Variants in YAF2 observed in about 807,000 individuals in gnomAD.
YAF2 encodes YY1 associated factor 2.
YAF2 carries 7 observed loss-of-function variants against 20.1 expected under a neutral mutation model. The observed-to-expected ratio is 0.35, with a 90% CI of 0.20 to 0.65. YAF2 has a LOEUF of 0.65. Ranked by LOEUF, YAF2 falls within the 30% of genes least tolerant of loss-of-function variation. The probability of loss-of-function intolerance (pLI) is 0.69; values close to 1 mark genes in which losing one functional copy is unlikely to be tolerated. For missense variants in YAF2, 151 were observed against 219.2 expected, an observed-to-expected ratio of 0.69 and a Z score of 1.96; for synonymous variants, 74 against 76.0, an observed-to-expected ratio of 0.97 and a Z score of 0.14.
In YAF2 at chr12:42,238,242, G is replaced by A; in HGVS notation, c.-62C>T. On this transcript the variant is annotated 5_prime_UTR_variant, in exon 1 of 4. Transcript: ENST00000534854. ...CGACCGCTCTGTTTGTCAATAAGGAGGATAATAAGCCGGGCGGAAGCGGGC... is the reference window on the plus strand; with the variant it reads ...CGACCGCTCTGTTTGTCAATAAGGAAGATAATAAGCCGGGCGGAAGCGGGC... 8.5e-7 allele frequency: 1 copy of A among 1,175,530 alleles called. No individual in the cohort carries two copies. The highest frequency in any genetic ancestry group is 1.1e-6 in the Non-Finnish European group (1 of 907,444). 72.8% of individuals were successfully genotyped at this position (1,175,530 alleles called of 1,614,324 possible). A position where few individuals can be genotyped will look rare whatever the true frequency, so the allele number is the denominator to read the frequency against.
intron 2 of YAF2, among the ~76,000 whole-genome samples, chr12:42,178,656 G>C (rs560122801): frequency 2.2e-4 from 34 of 151,728 alleles, no homozygotes; most frequent in African/African-American, 8.2e-4. Flanking sequence ...TGTCCAATGT[G>C]TCAGCACCAC....
At chr12:42,220,359 C>A (rs1162750946) in intron 2 of YAF2, among the ~76,000 whole-genome samples, 1 of 152,204 alleles carries the variant, frequency 6.6e-6, no homozygotes, top group Non-Finnish European at 1.5e-5. Flanking sequence ...CCATCCCCCA[C>A]ACCCAGATTC....
chr12:42,175,481 A>T (rs1462724708), intron 2 of YAF2, among the ~76,000 whole-genome samples: 1 of 151,912 alleles, frequency 6.6e-6, no homozygotes, highest in African/African-American at 2.4e-5. Context: ...CATATGTCAA[A>T]ACTTAACATA....
chr12:42,218,020 C>T lies in YAF2; in HGVS notation c.152+19579G>A, dbSNP rs57549495. Among the ~76,000 whole-genome samples the T allele has an allele frequency of 8.6e-3, 1,312 of 152,222 alleles. 23 individuals are homozygous for T. The highest frequency in any genetic ancestry group is 0.029 in the African/African-American group (1,216 of 41,530). ...AATCCCAACCTTGAAAACAGATGTA[C>T]TCTTTAACTATGGCAAACAGTAAAA... is the stretch of plus-strand genomic sequence containing the variant. On this transcript the variant is annotated intron_variant, in intron 2 of 3. Transcript: ENST00000534854.
chr12:42,229,981 C>T (rs894970751), intron 2 of YAF2, among the ~76,000 whole-genome samples: 2 of 152,102 alleles, frequency 1.3e-5, no homozygotes, highest in Non-Finnish European at 2.9e-5. Context: ...TTGAAAAGTA[C>T]CATATGGTGG....
At chr12:42,232,430 A>G (rs1592067872) in intron 2 of YAF2, 14 of 985,428 alleles carry the variant, frequency 1.4e-5, no homozygotes, top group Non-Finnish European at 1.7e-5. Flanking sequence ...TATCCAGACT[A>G]CACAAACACT....
chr12:42,233,475 T>C, intron 2 of YAF2: 1 of 983,352 alleles, frequency 1.0e-6, no homozygotes, highest in Non-Finnish European at 1.2e-6. Context: ...TCATACAGAC[T>C]ATCCTTAATA....
intron 2 of YAF2, among the ~76,000 whole-genome samples, chr12:42,167,082 T>C (rs899351479): frequency 6.9e-6 from 1 of 144,724 alleles, no homozygotes; most frequent in Non-Finnish European, 1.5e-5. Flanking sequence ...AAGTAGGAGC[T>C]AAACAATGAG....
intron 2 of YAF2, among the ~76,000 whole-genome samples, chr12:42,170,395 G>C (rs1429907610): frequency 6.6e-6 from 1 of 152,084 alleles, no homozygotes; most frequent in Non-Finnish European, 1.5e-5. Context: ...CTCAAAACAT[G>C]CTCATTTATC....
intron 2 of YAF2, among the ~76,000 whole-genome samples, chr12:42,228,154 GT>G (rs1333074768): frequency 2.3e-4 from 14 of 62,178 alleles, no homozygotes; most frequent in African/African-American, 4.1e-4. Context: ...GGTGGGGGGG[GT>G]CGGCCCCCCG....
intron 2 of YAF2, among the ~76,000 whole-genome samples, chr12:42,197,579 C>G (rs1241922647): frequency 6.6e-6 from 1 of 152,050 alleles, no homozygotes; most frequent in African/African-American, 2.4e-5. Context: ...TTGGGAAGAA[C>G]TAAAATTGCA....
intron 2 of YAF2, among the ~76,000 whole-genome samples, chr12:42,203,465 C>T (rs1233584188): frequency 1.3e-5 from 2 of 151,246 alleles, no homozygotes; most frequent in East Asian, 1.9e-4. Context: ...TCTGTCTTAC[C>T]CTTGGCTTTA....
intron 2 of YAF2, among the ~76,000 whole-genome samples, chr12:42,169,496 C>G (rs950613244): frequency 6.6e-6 from 1 of 152,108 alleles, no homozygotes; most frequent in South Asian, 2.1e-4. Flanking sequence ...TCACTGCAGC[C>G]TCTGCCTCCT....
intron 2 of YAF2, among the ~76,000 whole-genome samples, chr12:42,229,434 AAAC>A (rs201337155): frequency 0.014 from 2,073 of 151,720 alleles, 45 homozygotes; most frequent in African/African-American, 0.048. Flanking sequence ...AAAAAAAAAA[AAAC>A]ATTTAAATAT....
chr12:42,194,422 T>G (rs1326259643), intron 2 of YAF2, among the ~76,000 whole-genome samples: 1 of 152,090 alleles, frequency 6.6e-6, no homozygotes, highest in Non-Finnish European at 1.5e-5. Flanking sequence ...GACAGGCAGA[T>G]CACCTGAGGT....
chr12:42,211,129 C>T (rs949972764), intron 2 of YAF2, among the ~76,000 whole-genome samples: 8 of 152,080 alleles, frequency 5.3e-5, no homozygotes, highest in East Asian at 3.9e-4. Flanking sequence ...CATTTTATCA[C>T]TCAAGTCTTT....
intron 2 of YAF2, among the ~76,000 whole-genome samples, chr12:42,181,487 C>G (rs2066340705): frequency 6.6e-6 from 1 of 152,204 alleles, no homozygotes; most frequent in African/African-American, 2.4e-5. Context: ...CTTTGAATAA[C>G]TGCTCCGGGA....
At chr12:42,224,706 C>T (rs2067634454) in intron 2 of YAF2, among the ~76,000 whole-genome samples, 1 of 152,144 alleles carries the variant, frequency 6.6e-6, no homozygotes, top group Non-Finnish European at 1.5e-5. Flanking sequence ...AGGACATGAA[C>T]TCATCCTTTT....
chr12:42,187,346 G>T (rs1267535011), intron 2 of YAF2, among the ~76,000 whole-genome samples: 1 of 152,116 alleles, frequency 6.6e-6, no homozygotes, highest in Non-Finnish European at 1.5e-5. Flanking sequence ...TTTTTGTAGA[G>T]ATGGGGTTCT....
Sources: allele counts gnomAD v4.1 joint callset (sites outside exome capture counted in the v4.1 genomes callset), GRCh38; gene constraint gnomAD v4.1.1; transcripts MANE v1.5; gene names NCBI Gene and HGNC (gene_info 2026-07-23, HGNC 2026-07-21).